Variants in GRAMD1C observed in about 807,000 individuals in gnomAD.
GRAMD1C encodes the protein GRAM domain containing 1C, also known as protein Aster-C.
Under a neutral mutation model 97.8 loss-of-function variants are expected in GRAMD1C, and 89 were observed. The observed-to-expected ratio is 0.91, with a 90% CI of 0.77 to 1.09. The LOEUF (loss-of-function observed/expected upper bound fraction) is 1.09. Among genes scored for constraint, GRAMD1C ranks in the 50% least tolerant of loss-of-function variants. The pLI, the probability that GRAMD1C is intolerant of heterozygous loss-of-function variation, is 0.00. For synonymous variants in GRAMD1C, 256 were observed against 267.0 expected (o/e 0.96, Z 0.40); for missense variants, 740 against 766.4 (o/e 0.97, Z 0.41).
intron 9 of GRAMD1C, chr3:113,913,278 A>G: frequency 5.4e-6 from 2 of 372,888 alleles, no homozygotes; most frequent in Admixed American, 3.6e-5. Flanking sequence ...TAATCCCAGC[A>G]CTTTGGAAGG....
At chr3:113,892,424 A>T (rs1559798635) in intron 6 of GRAMD1C, among the ~76,000 whole-genome samples, 2 of 152,174 alleles carry the variant, frequency 1.3e-5, no homozygotes. Flanking sequence ...GTGAGCTGAG[A>T]TGGTGCCACT....
At chr3:113,863,055 AC>A (rs1405774644) in intron 2 of GRAMD1C, among the ~76,000 whole-genome samples, 1 of 152,210 alleles carries the variant, frequency 6.6e-6, no homozygotes, top group Admixed American at 6.5e-5. Context: ...AAACAGAGTT[AC>A]TATATGACCC....
chr3:113,869,587 A>G lies in GRAMD1C; in HGVS notation c.255A>G (p.Ile85Met). The G allele has an allele frequency of 1.4e-6, 2 of 1,430,022 alleles. No homozygotes were observed. Among genetic ancestry groups the G allele is most frequent in the Non-Finnish European group, 1.9e-6 (2 of 1,036,472 alleles). 88.6% of individuals were successfully genotyped at this position (1,430,022 alleles called of 1,614,324 possible). A position where few individuals can be genotyped will look rare whatever the true frequency, so the allele number is the denominator to read the frequency against. Reference sequence around the variant, plus strand: ...ATCTACCTGATACAGAGAGGCTGATAGCAGGTAAAATAGAAATTTTCAAAA... The same window carrying G: ...ATCTACCTGATACAGAGAGGCTGATGGCAGGTAAAATAGAAATTTTCAAAA... ...FTHLPDTERL[I>M]ADYACALQRD... is the part of the protein sequence containing the mutation. The change falls in exon 3 of 18, where the codon ATA becomes ATG. Residue 85 changes from isoleucine (I) to methionine (M), a missense_variant. Coordinates refer to ENST00000358160, the MANE Select transcript of GRAMD1C (RefSeq NM_017577.5).
rs531340968 is a variant in GRAMD1C, at chr3:113,897,988, A to G, written c.541-3043A>G. ...ATTTTTATGAAAACTGGACAACTTT[A>G]TAGAAAACGTCATTTTTAACAAATT... On this transcript the variant is annotated intron_variant, in intron 6 of 17. Transcript: ENST00000358160. Among the ~76,000 whole-genome samples the G allele has an allele frequency of 4.6e-5, 7 of 152,292 alleles. No individual in the cohort carries two copies. In the East Asian group the frequency reaches 1.2e-3, roughly 25 times the overall value.
chr3:113,846,981 A>G (rs1389472915), intron 2 of GRAMD1C, among the ~76,000 whole-genome samples: 1 of 152,202 alleles, frequency 6.6e-6, no homozygotes, highest in Non-Finnish European at 1.5e-5. Context: ...AAAAGACCCC[A>G]TATAGCTAAA....
chr3:113,935,519 T>C (rs9858258), intron 13 of GRAMD1C, among the ~76,000 whole-genome samples: 54,272 of 149,104 alleles, frequency 0.36, 9,851 homozygotes, highest in Middle Eastern at 0.43. Context: ...CACACACACA[T>C]ATATGCATGT....
At chr3:113,911,119 G>T (rs1055156847) in intron 9 of GRAMD1C, among the ~76,000 whole-genome samples, 6 of 149,894 alleles carry the variant, frequency 4.0e-5, no homozygotes, top group African/African-American at 1.5e-4. Flanking sequence ...ACATGCTCAT[G>T]GTTAGAGGAG....
At position 113,853,630 on chromosome 3, in the gene GRAMD1C, C is replaced by G. The variant is rs531401238; in HGVS notation, c.174+8981C>G. Among the ~76,000 whole-genome samples, 3 of 152,288 alleles carry G rather than the reference C, an allele frequency of 2.0e-5. No individual in the cohort carries two copies. In the East Asian group the frequency reaches 5.8e-4, roughly 29 times the overall value. ...TTCATTTATTAGAGTGTCTTCTATG[C>G]ACGAGAATGTTCTAAGTGAACAGGA... On this transcript the variant is annotated intron_variant, in intron 2 of 17. Coordinates refer to ENST00000358160, the MANE Select transcript of GRAMD1C (RefSeq NM_017577.5).
intron 9 of GRAMD1C, among the ~76,000 whole-genome samples, chr3:113,913,429 CAAA>C (rs765510213): frequency 4.8e-4 from 33 of 68,286 alleles, no homozygotes; most frequent in African/African-American, 1.1e-3. Context: ...ACTCTGTCTC[CAAA>C]AAAAAAAAAA....
Position 113,945,590 on chromosome 3 carries a change from T to C in GRAMD1C, c.*112T>C, listed in dbSNP as rs533067334. 467 of 640,102 alleles carry C rather than the reference T, an allele frequency of 7.3e-4. 1 individual carries two copies. The highest frequency in any genetic ancestry group is 1.3e-3 in the South Asian group (67 of 52,598). The allele number at this position is 640,102 out of a possible 1,614,324, so 39.7% of individuals were successfully genotyped here. A position where few individuals can be genotyped will look rare whatever the true frequency, so the allele number is the denominator to read the frequency against. ...AGAACATTTCTATGTTTTTTCATTATTGAGATTTCTAATATGAACATTTCT... is the reference window on the plus strand; with the variant it reads ...AGAACATTTCTATGTTTTTTCATTACTGAGATTTCTAATATGAACATTTCT... On this transcript the variant is annotated 3_prime_UTR_variant, in exon 18 of 18. Coordinates refer to ENST00000358160, the MANE Select transcript of GRAMD1C (RefSeq NM_017577.5).
chr3:113,938,115 G>A lies in GRAMD1C; in HGVS notation c.1663G>A (p.Val555Ile), dbSNP rs79673945. Residue 555 changes from valine (V) to isoleucine (I), a missense_variant, in exon 15 of 18, where the codon GTC becomes ATC. Transcript: ENST00000358160. ...GAAAAAGGAAATGGAAAACTATAAC[G>A]TCACTCTTATTGTGGTAATGAGTAT... The part of the protein sequence containing the change: ...GKKKEMENYN[V>I]TLIVVMSIFV... 1.4e-3 allele frequency: 2,137 copies of A among 1,534,584 alleles called. 26 individuals are homozygous for A. The African/African-American group carries it at 0.025, about 18-fold the overall frequency.
chr3:113,928,315 C>T (rs1289246656), intron 10 of GRAMD1C, among the ~76,000 whole-genome samples: 1 of 152,138 alleles, frequency 6.6e-6, no homozygotes, highest in Non-Finnish European at 1.5e-5. Context: ...TTGACCCACC[C>T]AACCCCCGAC....
chr3:113,915,163 G>C (rs746267658), intron 9 of GRAMD1C, among the ~76,000 whole-genome samples: 81 of 152,136 alleles, frequency 5.3e-4, no homozygotes, highest in Non-Finnish European at 9.6e-4. Flanking sequence ...GTGTGATGTT[G>C]AAAATAGGTT....
chr3:113,931,454 G>A (rs1183657972), intron 11 of GRAMD1C, among the ~76,000 whole-genome samples: 4 of 151,628 alleles, frequency 2.6e-5, no homozygotes, highest in African/African-American at 4.8e-5. Context: ...TGCCTCCCAG[G>A]TTCAAGCGAT....
rs1938093807 is a variant in GRAMD1C, at chr3:113,946,578, A to C, written c.*1100A>C. The C allele has an allele frequency of 6.6e-6, 1 of 152,238 alleles. No homozygotes were observed. Among genetic ancestry groups the C allele is most frequent in the South Asian group, 2.1e-4 (1 of 4,828 alleles). 9.4% of individuals were successfully genotyped at this position (152,238 alleles called of 1,614,324 possible). On this transcript the variant is annotated 3_prime_UTR_variant, in exon 18 of 18. Coordinates refer to ENST00000358160, the MANE Select transcript of GRAMD1C (RefSeq NM_017577.5). ...GAACTTTGTAAACTGACTTAAAATCAGATATTTTTTCAAGAGTTAGGGAAA... is the reference window on the plus strand; with the variant it reads ...GAACTTTGTAAACTGACTTAAAATCCGATATTTTTTCAAGAGTTAGGGAAA...
chr3:113,896,600 A>G (rs1167887209), intron 6 of GRAMD1C, among the ~76,000 whole-genome samples: 2 of 152,228 alleles, frequency 1.3e-5, no homozygotes, highest in Non-Finnish European at 2.9e-5. Context: ...ATTTCAGTCA[A>G]TGAGAACTAC....
chr3:113,882,399 C>T (rs186986669), intron 5 of GRAMD1C, among the ~76,000 whole-genome samples: 4 of 152,104 alleles, frequency 2.6e-5, no homozygotes, highest in South Asian at 2.1e-4. Context: ...CATATCTCTT[C>T]GCAAAGTTCA....
At chr3:113,890,200 G>A (rs1232152004) in intron 6 of GRAMD1C, among the ~76,000 whole-genome samples, 1 of 152,206 alleles carries the variant, frequency 6.6e-6, no homozygotes, top group African/African-American at 2.4e-5. Context: ...AAAAGCTGGT[G>A]TGGGTGAGGG....
chr3:113,893,789 A>G (rs1577175089), intron 6 of GRAMD1C, among the ~76,000 whole-genome samples: 2 of 152,372 alleles, frequency 1.3e-5, no homozygotes, highest in South Asian at 4.1e-4. Flanking sequence ...ATTACGTGTA[A>G]CAGATGATCA....
Sources: allele counts gnomAD v4.1 joint callset (sites outside exome capture counted in the v4.1 genomes callset), GRCh38; gene constraint gnomAD v4.1.1; transcripts MANE v1.5; gene names NCBI Gene and HGNC (gene_info 2026-07-23, HGNC 2026-07-21).